Variants in CTNNA3 observed in about 807,000 individuals in gnomAD.
CTNNA3 encodes catenin alpha-3.
Under a neutral mutation model 95.7 loss-of-function variants are expected in CTNNA3, and 76 were observed. That is an observed-to-expected ratio of 0.79 (90% CI 0.66 to 0.96). The LOEUF (loss-of-function observed/expected upper bound fraction) is 0.96. Among genes scored for constraint, CTNNA3 ranks in the 40% least tolerant of loss-of-function variants. The probability of loss-of-function intolerance (pLI) is 0.00; values close to 1 mark genes in which losing one functional copy is unlikely to be tolerated. For missense variants in CTNNA3, 1,191 were observed against 1,089.8 expected (o/e 1.09, Z -1.31); for synonymous variants, 431 against 374.4 (o/e 1.15, Z -1.74).
chr10:66,241,734 A>C (rs1466914210), intron 13 of CTNNA3, among the ~76,000 whole-genome samples: 1 of 151,838 alleles, frequency 6.6e-6, no homozygotes, highest in South Asian at 2.1e-4. Flanking sequence ...GCCAAATAAA[A>C]CGAAAAGGGG....
chr10:67,659,176 T>C (rs1840109712), intron 1 of CTNNA3, among the ~76,000 whole-genome samples: 2 of 152,278 alleles, frequency 1.3e-5, no homozygotes, highest in Middle Eastern at 3.4e-3. Context: ...ATTCTACTTA[T>C]ATTTAGGTCT....
At chr10:66,763,831 C>T in intron 9 of CTNNA3, among the ~76,000 whole-genome samples, 1 of 152,172 alleles carries the variant, frequency 6.6e-6, no homozygotes, top group East Asian at 1.9e-4. Context: ...GCTAAGCCCC[C>T]AACTGACAGT....
intron 9 of CTNNA3, among the ~76,000 whole-genome samples, chr10:66,702,732 A>AAGTAGTAGTAGT (rs3055636): frequency 0.053 from 7,171 of 134,252 alleles, 325 homozygotes; most frequent in African/African-American, 0.12. Flanking sequence ...AAAAAAGAAT[A>AAGTAGTAGTAGT]AGTAGTAGTA....
In CTNNA3 at chr10:66,379,203, C is replaced by T; in HGVS notation, c.1681G>A (p.Gly561Arg). 6.2e-7 allele frequency: 1 copy of T among 1,614,176 alleles called. No homozygotes were observed. Among genetic ancestry groups the T allele is most frequent in the Non-Finnish European group, 8.5e-7 (1 of 1,180,000 alleles). Residue 561 changes from glycine to arginine, a missense_variant, in exon 12 of 18, where the codon GGG becomes AGG. Gly to Arg is a moderately radical substitution (Grantham distance 125). Coordinates refer to ENST00000433211, the MANE Select transcript of CTNNA3 (RefSeq NM_013266.4). ...CTCATTACACCTTCCGTGTAAGCCC[C>T]TGGCTCGTAACTGTCCATTTCACCC... Reference protein sequence around the residue: ...VTGEMDSYEPGAYTEGVMRNV... With the variant: ...VTGEMDSYEPRAYTEGVMRNV...
chr10:67,256,733 T>C (rs1866367620), intron 5 of CTNNA3, among the ~76,000 whole-genome samples: 1 of 152,078 alleles, frequency 6.6e-6, no homozygotes, highest in African/African-American at 2.4e-5. Context: ...GAACACAACA[T>C]AAAATATTCA....
chr10:66,414,632 A>C (rs777386979), intron 11 of CTNNA3, among the ~76,000 whole-genome samples: 9 of 152,136 alleles, frequency 5.9e-5, no homozygotes, highest in Non-Finnish European at 8.8e-5. Context: ...CAACTACAGC[A>C]AGATGCCATT....
intron 7 of CTNNA3, among the ~76,000 whole-genome samples, chr10:67,044,465 T>A (rs979642264): frequency 6.6e-6 from 1 of 152,150 alleles, no homozygotes; most frequent in Non-Finnish European, 1.5e-5. Flanking sequence ...AAATGGATTG[T>A]CTAAAATTTA....
intron 16 of CTNNA3, among the ~76,000 whole-genome samples, chr10:65,969,409 C>G (rs1195724132): frequency 6.6e-6 from 1 of 152,278 alleles, no homozygotes; most frequent in African/African-American, 2.4e-5. Flanking sequence ...CATACTAGTT[C>G]TCCAGCTATG....
chr10:67,594,868 A>C (rs1194409342), intron 3 of CTNNA3, among the ~76,000 whole-genome samples: 1 of 151,946 alleles, frequency 6.6e-6, no homozygotes, highest in Admixed American at 6.6e-5. Flanking sequence ...GTAGTTTTTT[A>C]TCCCTCACCC....
chr10:67,429,956 T>A (rs1390898068), intron 5 of CTNNA3, among the ~76,000 whole-genome samples: 2 of 151,952 alleles, frequency 1.3e-5, no homozygotes, highest in African/African-American at 4.8e-5. Flanking sequence ...CAAAGAATCA[T>A]CAATTGAGGG....
intron 11 of CTNNA3, among the ~76,000 whole-genome samples, chr10:66,432,612 G>A (rs904409659): frequency 6.7e-6 from 1 of 149,136 alleles, no homozygotes; most frequent in Non-Finnish European, 1.5e-5. Flanking sequence ...AGTGAGCAGA[G>A]ATTGCGCCAC....
chr10:66,781,466 T>C (rs1676817026), intron 7 of CTNNA3, among the ~76,000 whole-genome samples: 2 of 152,046 alleles, frequency 1.3e-5, no homozygotes, highest in South Asian at 4.1e-4. Context: ...AAAAATGAAA[T>C]CTCTCCTTCT....
intron 3 of CTNNA3, among the ~76,000 whole-genome samples, chr10:67,601,914 AGG>A (rs1843094992): frequency 6.6e-6 from 1 of 152,118 alleles, no homozygotes; most frequent in Non-Finnish European, 1.5e-5. Flanking sequence ...CAGGTTCTTT[AGG>A]TAACCAAAAT....
chr10:67,485,436 T>G (rs1204869458), intron 5 of CTNNA3, among the ~76,000 whole-genome samples: 2 of 152,076 alleles, frequency 1.3e-5, no homozygotes, highest in Non-Finnish European at 2.9e-5. Context: ...AGCCCAAACC[T>G]TAGCAGCTTG....
chr10:66,584,606 G>T (rs1209844063), intron 10 of CTNNA3, among the ~76,000 whole-genome samples: 1 of 151,794 alleles, frequency 6.6e-6, no homozygotes, highest in African/African-American at 2.4e-5. Context: ...AAGATAGCAG[G>T]TATCTATTTG....
intron 12 of CTNNA3, among the ~76,000 whole-genome samples, chr10:66,312,975 C>A (rs2092044881): frequency 6.6e-6 from 1 of 152,100 alleles, no homozygotes; most frequent in Admixed American, 6.5e-5. Flanking sequence ...TAGACACAAG[C>A]CTTGACCATG....
chr10:67,630,225 C>T (rs576020405), intron 2 of CTNNA3, among the ~76,000 whole-genome samples: 1 of 152,294 alleles, frequency 6.6e-6, no homozygotes, highest in Admixed American at 6.5e-5. Context: ...CACAAATATT[C>T]CCATTGTCCT....
At chr10:67,612,378 TTAAGTAGGACTTC>T (rs1425627441) in intron 2 of CTNNA3, among the ~76,000 whole-genome samples, 2 of 152,142 alleles carry the variant, frequency 1.3e-5, no homozygotes, top group African/African-American at 4.8e-5. Flanking sequence ...TTCACAAGGA[TTAAGTAGGACTTC>T]CAAGAAGAGC....
At chr10:66,961,551 C>A (rs1849108897) in intron 7 of CTNNA3, among the ~76,000 whole-genome samples, 1 of 152,046 alleles carries the variant, frequency 6.6e-6, no homozygotes, top group African/African-American at 2.4e-5. Context: ...TGGGGTGTCC[C>A]AGGTTAGCCC....
Sources: allele counts gnomAD v4.1 joint callset (sites outside exome capture counted in the v4.1 genomes callset), GRCh38; gene constraint gnomAD v4.1.1; transcripts MANE v1.5; gene names NCBI Gene and HGNC (gene_info 2026-07-23, HGNC 2026-07-21).